Variants in ZNF654 observed in about 807,000 individuals in gnomAD.
ZNF654 encodes the protein melanoma-associated antigen.
Under a neutral mutation model 95.3 loss-of-function variants are expected in ZNF654, and 19 were observed. The observed-to-expected ratio is 0.20, with a 90% confidence interval of 0.14 to 0.29. The LOEUF (loss-of-function observed/expected upper bound fraction) is 0.29. Among genes scored for constraint, ZNF654 ranks in the 10% least tolerant of loss-of-function variants. The pLI, the probability that ZNF654 is intolerant of heterozygous loss-of-function variation, is 1.00. For missense variants in ZNF654, 1,046 were observed against 1,341.0 expected, an observed-to-expected ratio of 0.78 and a Z score of 3.44; for synonymous variants, 413 against 457.9, an observed-to-expected ratio of 0.90 and a Z score of 1.25.
rs1384810800 is a variant in ZNF654 at position 88,143,612 on chromosome 3, A to C, written c.*1960A>C. ...TCCACAAGTTGTAACAATTGATATA[A>C]ATCCATGCCCACAAAGTATTCCATT... On this transcript the variant is annotated 3_prime_UTR_variant, in exon 9 of 9. Coordinates refer to ENST00000636215, the MANE Select transcript of ZNF654 (RefSeq NM_001350134.2). The C allele has an allele frequency of 6.6e-6, 1 of 152,298 alleles. No individual in the cohort carries two copies. Among genetic ancestry groups the C allele is most frequent in the Non-Finnish European group, 1.5e-5 (1 of 67,764 alleles). 9.4% of individuals were successfully genotyped at this position (152,298 alleles called of 1,614,324 possible).
At chr3:88,114,927 C>G (rs1012774557) in intron 3 of ZNF654, among the ~76,000 whole-genome samples, 1 of 152,144 alleles carries the variant, frequency 6.6e-6, no homozygotes, top group African/African-American at 2.4e-5. Context: ...AGTGACAACC[C>G]CAAATGTAAC....
At chr3:88,087,545 C>T (rs530611132) in intron 2 of ZNF654, among the ~76,000 whole-genome samples, 68 of 152,226 alleles carry the variant, frequency 4.5e-4, no homozygotes, top group African/African-American at 1.5e-3. Flanking sequence ...AGTGAATGAA[C>T]GATTTCTACA....
chr3:88,095,768 CT>C, intron 2 of ZNF654: 1 of 405,856 alleles, frequency 2.5e-6, no homozygotes, highest in Non-Finnish European at 4.7e-6. Flanking sequence ...TCATCTTAAA[CT>C]TTTTTGTAAA....
chr3:88,094,706 G>A (rs1367156569), intron 2 of ZNF654, among the ~76,000 whole-genome samples: 1 of 152,090 alleles, frequency 6.6e-6, no homozygotes, highest in East Asian at 1.9e-4. Flanking sequence ...TATGAATGGT[G>A]TAAGTACATT....
chr3:88,114,104 T>C (rs1321304320), intron 3 of ZNF654, among the ~76,000 whole-genome samples: 1 of 152,142 alleles, frequency 6.6e-6, no homozygotes, highest in Non-Finnish European at 1.5e-5. Context: ...AAAACAGTAG[T>C]AAGCAAAACA....
chr3:88,141,954 C>T lies in ZNF654; in HGVS notation c.*302C>T. 4.0e-6 allele frequency: 1 copy of T among 250,708 alleles called. No individual in the cohort carries two copies. Among genetic ancestry groups the T allele is most frequent in the East Asian group, 7.4e-5 (1 of 13,502 alleles). 15.5% of individuals were successfully genotyped at this position (250,708 alleles called of 1,614,324 possible). A position where few individuals can be genotyped will look rare whatever the true frequency, so the allele number is the denominator to read the frequency against. On this transcript the variant is annotated 3_prime_UTR_variant, in exon 9 of 9. Transcript: ENST00000636215. ...TTATATGAGAAACATGTTTAGGCAA[C>T]TAGTCAGAAAACCAGCTATGGCCTT... is the stretch of plus-strand genomic sequence containing the variant.
In ZNF654 at chr3:88,140,890, T is replaced by C. The variant is rs767683017; in HGVS notation, c.3221T>C (p.Val1074Ala). 5 of 1,613,500 alleles carry C rather than the reference T, an allele frequency of 3.1e-6. No individual in the cohort carries two copies. The East Asian group carries it at 8.9e-5, about 29-fold the overall frequency. Reference sequence around the variant, plus strand: ...CGCAGAAAATTTCTGACTGATAGAGTAGATGCCTGTTCTGATCAAGATAAC... The same window carrying C: ...CGCAGAAAATTTCTGACTGATAGAGCAGATGCCTGTTCTGATCAAGATAAC... The part of the protein sequence containing the change: ...PKRRKFLTDR[V>A]DACSDQDNVY... The change falls in exon 8 of 9, where the codon GTA becomes GCA. Residue 1074 changes from valine to alanine, a missense_variant. By Grantham distance (64) the Val-to-Ala change is moderately conservative. This residue lies in a region of ZNF654 where 59 missense variants were observed against 73.0 expected (regional missense o/e 0.81). Coordinates refer to ENST00000636215, the MANE Select transcript of ZNF654 (RefSeq NM_001350134.2).
chr3:88,093,369 A>C (rs545551264), intron 2 of ZNF654, among the ~76,000 whole-genome samples: 1 of 152,300 alleles, frequency 6.6e-6, no homozygotes, highest in South Asian at 2.1e-4. Context: ...GCCTCCTTTT[A>C]CCCAACAGAA....
intron 1 of ZNF654, among the ~76,000 whole-genome samples, chr3:88,063,419 G>A (rs1002458158): frequency 6.6e-6 from 1 of 152,162 alleles, no homozygotes; most frequent in Non-Finnish European, 1.5e-5. Context: ...TCACAGAAAA[G>A]AGAGTTTGTC....
intron 1 of ZNF654, among the ~76,000 whole-genome samples, chr3:88,060,897 A>T (rs1706841286): frequency 6.6e-6 from 1 of 152,118 alleles, no homozygotes; most frequent in African/African-American, 2.4e-5. Context: ...TTAATGCTTT[A>T]ATTTAAATTG....
chr3:88,071,664 C>T (rs550359883), intron 1 of ZNF654, among the ~76,000 whole-genome samples: 169 of 151,662 alleles, frequency 1.1e-3, no homozygotes, highest in African/African-American at 3.9e-3. Flanking sequence ...ATTAGCCGGG[C>T]GTGGTGGCGG....
intron 1 of ZNF654, among the ~76,000 whole-genome samples, chr3:88,072,838 TAA>T (rs1707593432): frequency 6.6e-6 from 1 of 152,186 alleles, no homozygotes; most frequent in Non-Finnish European, 1.5e-5. Flanking sequence ...AAATAAACCC[TAA>T]AATAGGGAAA....
At chr3:88,141,401 G>T (rs577214967) in intron 8 of ZNF654, among the ~76,000 whole-genome samples, 36 of 152,098 alleles carry the variant, frequency 2.4e-4, no homozygotes, top group African/African-American at 8.4e-4. Context: ...TTGTAATTTT[G>T]ATGGGAATTA....
At chr3:88,129,233 C>T (rs985836551) in intron 5 of ZNF654, among the ~76,000 whole-genome samples, 1 of 145,004 alleles carries the variant, frequency 6.9e-6, no homozygotes, top group Non-Finnish European at 1.5e-5. Flanking sequence ...ATAAAATATA[C>T]TCATTAATAA....
chr3:88,130,462 G>GT (rs1014093513), intron 6 of ZNF654, among the ~76,000 whole-genome samples: 2 of 151,810 alleles, frequency 1.3e-5, no homozygotes, highest in Admixed American at 6.6e-5. Flanking sequence ...TTTTGTTTTT[G>GT]TTTTTTGGAG....
chr3:88,129,494 T>C (rs1218412972), intron 5 of ZNF654, among the ~76,000 whole-genome samples, 193 bp from the exon 6 acceptor site: 1 of 152,108 alleles, frequency 6.6e-6, no homozygotes, highest in East Asian at 1.9e-4. Context: ...AGATTAAAAG[T>C]AGTCATTGTA....
chr3:88,107,161 CTT>C (rs1292853342), intron 2 of ZNF654, among the ~76,000 whole-genome samples: 3 of 152,120 alleles, frequency 2.0e-5, no homozygotes, highest in Non-Finnish European at 4.4e-5. Context: ...GAATTTAGCT[CTT>C]AACTTATTGA....
At chr3:88,064,240 A>T (rs1707067081) in intron 1 of ZNF654, among the ~76,000 whole-genome samples, 1 of 151,458 alleles carries the variant, frequency 6.6e-6, no homozygotes, top group South Asian at 2.1e-4. Flanking sequence ...CTCTATATTT[A>T]TAAGTAATTT....
intron 1 of ZNF654, among the ~76,000 whole-genome samples, chr3:88,071,874 A>G (rs576411583): frequency 6.6e-6 from 1 of 152,302 alleles, no homozygotes; most frequent in African/African-American, 2.4e-5. Flanking sequence ...TACTTTTAAG[A>G]CTTTTTATCT....
Sources: gnomAD v4.1 joint callset for allele counts (sites outside exome capture counted in the v4.1 genomes callset) on GRCh38, gnomAD v4.1.1 for gene constraint, gnomAD v4.1.1 regional missense constraint, MANE v1.5 for transcripts, NCBI Gene and HGNC (gene_info 2026-07-23, HGNC 2026-07-21) for gene names.